The following CES5A variants were observed in gnomAD, a reference collection of about 807,000 sequenced individuals.
CES5A encodes the protein carboxylesterase 5A.
CES5A carries 67 observed loss-of-function variants against 62.9 expected under a neutral mutation model. That is an observed-to-expected ratio of 1.07 (90% CI 0.88 to 1.31). The LOEUF (loss-of-function observed/expected upper bound fraction) is 1.31. CES5A is among the 50% of genes most tolerant of loss of function. CES5A has a pLI of 0.00. For synonymous variants in CES5A, 296 were observed against 280.8 expected (o/e 1.05, Z -0.54); for missense variants, 748 against 708.5 (o/e 1.06, Z -0.63).
intron 1 of CES5A, among the ~76,000 whole-genome samples, chr16:55,882,144 C>T (rs1484973890): frequency 6.6e-6 from 1 of 152,170 alleles, no homozygotes; most frequent in Non-Finnish European, 1.5e-5. Context: ...GTCAAACCTA[C>T]TGAGCTCATT....
At chr16:55,885,996 C>T (rs906001267) in intron 1 of CES5A, among the ~76,000 whole-genome samples, 2 of 152,216 alleles carry the variant, frequency 1.3e-5, no homozygotes, top group Admixed American at 6.5e-5. Flanking sequence ...CCCTCTACTG[C>T]ACCAATGCTT....
chr16:55,913,715 G>A (rs941653863), intron 1 of CES5A, among the ~76,000 whole-genome samples: 13 of 152,164 alleles, frequency 8.5e-5, no homozygotes, highest in Admixed American at 7.9e-4. Context: ...TTTCAACCTC[G>A]CCAACTCAGT....
intron 11 of CES5A, among the ~76,000 whole-genome samples, chr16:55,848,149 C>T (rs1214083107): frequency 3.3e-5 from 5 of 151,974 alleles, no homozygotes; most frequent in Non-Finnish European, 5.9e-5. Context: ...CTCTGTTGCC[C>T]AGACTGGAGT....
At chr16:55,924,210 A>G (rs1338199992) in intron 1 of CES5A, among the ~76,000 whole-genome samples, 4 of 151,970 alleles carry the variant, frequency 2.6e-5, no homozygotes, top group Admixed American at 2.6e-4. Context: ...ATTGATAAAC[A>G]AATTCAATAA....
At chr16:55,949,713 G>T in intron 2 of CES5A, 1 of 523,576 alleles carries the variant, frequency 1.9e-6, no homozygotes, top group Non-Finnish European at 3.2e-6. Context: ...TGGAACCATG[G>T]ACTGTGAGTC....
At chr16:55,861,575 A>C in intron 6 of CES5A, 59 bp from the exon 7 acceptor site, 1 of 1,278,238 alleles carries the variant, frequency 7.8e-7, no homozygotes, top group Non-Finnish European at 1.1e-6. Flanking sequence ...AGGAAAATGA[A>C]AGCTTGAAAA....
At chr16:55,930,228 G>T (rs1042272731), upstream of CES5A, among the ~76,000 whole-genome samples, 27 of 148,964 alleles carry the variant, frequency 1.8e-4, no homozygotes, top group African/African-American at 6.2e-4. Context: ...GCAACCAAAG[G>T]ACCAATGTCT....
upstream of CES5A, among the ~76,000 whole-genome samples, chr16:55,929,732 C>T (rs972909884): frequency 6.6e-6 from 1 of 152,020 alleles, no homozygotes; most frequent in Non-Finnish European, 1.5e-5. Flanking sequence ...AAAGTGAGGT[C>T]GAATCATGAA....
At chr16:55,936,886 T>A (rs1366399541) in intron 2 of CES5A, among the ~76,000 whole-genome samples, 1 of 152,148 alleles carries the variant, frequency 6.6e-6, no homozygotes, top group Non-Finnish European at 1.5e-5. Context: ...TTCATATATA[T>A]CCATACACCT....
At chr16:55,943,151 G>T (rs1405034069) in intron 2 of CES5A, among the ~76,000 whole-genome samples, 3 of 152,116 alleles carry the variant, frequency 2.0e-5, no homozygotes, top group Non-Finnish European at 2.9e-5. Flanking sequence ...CATTTCTATT[G>T]TATATAAATT....
At chr16:55,852,845 G>C (rs1472246171) in intron 10 of CES5A, 36 bp downstream of exon 10, 2 of 1,594,312 alleles carry the variant, frequency 1.3e-6, no homozygotes, top group Non-Finnish European at 1.7e-6. Context: ...AGCCTCACTG[G>C]GCTATGGTCC....
chr16:55,917,002 C>T (rs1402662234), intron 1 of CES5A, among the ~76,000 whole-genome samples: 4 of 152,200 alleles, frequency 2.6e-5, no homozygotes, highest in South Asian at 2.1e-4. Context: ...CCCTTCTGCT[C>T]TTCCTCCTTC....
At chr16:55,862,708 G>T (rs1721643309) in intron 6 of CES5A, among the ~76,000 whole-genome samples, 2 of 152,190 alleles carry the variant, frequency 1.3e-5, no homozygotes, top group African/African-American at 2.4e-5. Flanking sequence ...TCAAGAGATG[G>T]CTGCACAGCC....
At chr16:55,899,396 T>C (rs1304693291) in intron 1 of CES5A, among the ~76,000 whole-genome samples, 2 of 152,192 alleles carry the variant, frequency 1.3e-5, no homozygotes, top group Non-Finnish European at 2.9e-5. Flanking sequence ...CCAGCAACAC[T>C]GAGGAAGCTG....
At chr16:55,852,748 A>G in intron 10 of CES5A, 133 bp downstream of exon 10, 1 of 973,210 alleles carries the variant, frequency 1.0e-6, no homozygotes. Flanking sequence ...GTTTCCATCC[A>G]GGCACACCTG....
chr16:55,910,573 C>T lies in CES5A; in HGVS notation c.-256+14750G>A, dbSNP rs140923425. 3.2e-4 allele frequency among the ~76,000 whole-genome samples: 48 copies of T among 152,332 alleles called. No individual in the cohort carries two copies. The East Asian group carries it at 6.0e-3, about 19-fold the overall frequency. On this transcript the variant is annotated intron_variant, in intron 1 of 12. Transcript: ENST00000518005. ...GTCTCCTCAATCACAACGTAAACTC[C>T]GTGAGTACCACATAAAGCCCAGGAT...
intron 1 of CES5A, among the ~76,000 whole-genome samples, chr16:55,902,616 A>G (rs2142443061): frequency 6.6e-6 from 1 of 152,298 alleles, no homozygotes; most frequent in East Asian, 1.9e-4. Flanking sequence ...GATACTCAGG[A>G]TGGAGTAGTT....
intron 10 of CES5A, 28 bp from the exon 11 acceptor site, chr16:55,849,801 A>G (rs1404463624): frequency 1.2e-6 from 2 of 1,610,958 alleles, no homozygotes; most frequent in Non-Finnish European, 1.7e-6. Flanking sequence ...AAGGTCAGGC[A>G]TGCATGCAGC....
At chr16:55,897,415 C>T (rs76257592) in intron 1 of CES5A, among the ~76,000 whole-genome samples, 372 of 152,168 alleles carry the variant, frequency 2.4e-3, no homozygotes, top group African/African-American at 8.4e-3. Context: ...TCTAAGTGGC[C>T]CAGGCTCCAG....
Sources: gnomAD v4.1 joint callset for allele counts (sites outside exome capture counted in the v4.1 genomes callset) on GRCh38, gnomAD v4.1.1 for gene constraint, MANE v1.5 for transcripts, NCBI Gene and HGNC (gene_info 2026-07-23, HGNC 2026-07-21) for gene names.